IMMT: variants seen among roughly 807,000 people sequenced by gnomAD.
IMMT encodes the protein inner membrane mitochondrial protein.
Under a neutral mutation model 92.7 loss-of-function variants are expected in IMMT, and 40 were observed. The observed-to-expected ratio is 0.43, with a 90% CI of 0.34 to 0.56. The LOEUF (loss-of-function observed/expected upper bound fraction) is 0.56, where lower values mean the gene tolerates loss of function less well. Among genes scored for constraint, IMMT ranks in the 20% least tolerant of loss-of-function variants. The pLI is 0.03. For synonymous variants in IMMT, 322 were observed against 336.1 expected, an observed-to-expected ratio of 0.96 and a Z score of 0.46; for missense variants, 831 against 912.1, an observed-to-expected ratio of 0.91 and a Z score of 1.14.
At chr2:86,190,687 T>TA (rs1673059374) in intron 1 of IMMT, among the ~76,000 whole-genome samples, 1 of 152,132 alleles carries the variant, frequency 6.6e-6, no homozygotes. Flanking sequence ...AGCCCAAACA[T>TA]AAAGAATAAG....
chr2:86,148,548 C>T (rs1675217814), intron 12 of IMMT, among the ~76,000 whole-genome samples: 1 of 152,124 alleles, frequency 6.6e-6, no homozygotes, highest in Non-Finnish European at 1.5e-5. Flanking sequence ...GGAGGCAGAG[C>T]TTGCCGTGAG....
At position 86,144,271 on chromosome 2, in the gene IMMT, C is replaced by G; in HGVS notation, c.2274G>C (p.Glu758Asp). 1 of 1,613,480 alleles carries G rather than the reference C, an allele frequency of 6.2e-7. No homozygotes were observed. The highest frequency in any genetic ancestry group is 8.5e-7 in the Non-Finnish European group (1 of 1,179,470). ...VGIGTTQVQP[E>D] is the part of the protein sequence containing the mutation. Reference sequence around the variant, plus strand: ...TTTATGAAAATCTTCCTAAACCTCACTCTGGCTGCACCTGAGTGGTTCCTA... The same window carrying G: ...TTTATGAAAATCTTCCTAAACCTCAGTCTGGCTGCACCTGAGTGGTTCCTA... Residue 758 changes from glutamate to aspartate, a missense_variant, in exon 15 of 15, where the codon GAG becomes GAC. Glu to Asp is a conservative substitution (Grantham distance 45, BLOSUM62 2). Transcript: ENST00000410111.
chr2:86,166,582 C>A lies in IMMT; in HGVS notation c.718G>T (p.Ala240Ser). 1 of 1,613,280 alleles carries A rather than the reference C, an allele frequency of 6.2e-7. No individual in the cohort carries two copies. Among genetic ancestry groups the A allele is most frequent in the Non-Finnish European group, 8.5e-7 (1 of 1,179,724 alleles). The change falls in exon 7 of 15, where the codon GCA (alanine) becomes TCA (serine). Residue 240 changes from alanine to serine, a missense_variant. Transcript: ENST00000410111. ...QTASVTLQAIAAQNAAVQAVN... is the reference protein window; with the variant it reads ...QTASVTLQAISAQNAAVQAVN... The stretch of plus-strand genomic sequence containing the variant: ...GCCTGGACCGCAGCATTCTGAGCTG[C>A]AATAGCCTGCAGAGTGACACTTGCA...
chr2:86,168,545 C>A (rs1168391894), intron 6 of IMMT, among the ~76,000 whole-genome samples: 3 of 152,148 alleles, frequency 2.0e-5, no homozygotes, highest in Admixed American at 2.0e-4. Flanking sequence ...ATCGCTTGAA[C>A]CTGGGAGTTG....
chr2:86,144,449 T>G lies in IMMT; in HGVS notation c.2096A>C (p.Glu699Ala), dbSNP rs762962592. The G allele has an allele frequency of 3.8e-5, 62 of 1,613,880 alleles. No homozygotes were observed. Among genetic ancestry groups the G allele is most frequent in the Non-Finnish European group, 5.0e-5 (59 of 1,179,898 alleles). Residue 699 changes from glutamate to alanine, a missense_variant, in exon 15 of 15, where the codon GAG (glutamate) becomes GCG (alanine). Coordinates refer to ENST00000410111, the MANE Select transcript of IMMT (RefSeq NM_006839.3). Reference protein sequence around the residue: ...KLLSYASYCIEHGDLELAAKF... With the variant: ...KLLSYASYCIAHGDLELAAKF... ...TGCTGCTAGCTCCAGATCACCATGC[T>G]CAATGCAATAGGAAGCATATGACAG...
intron 10 of IMMT, 152 bp downstream of exon 10, chr2:86,158,440 G>A (rs1676015026): frequency 1.8e-6 from 1 of 550,760 alleles, no homozygotes; most frequent in Non-Finnish European, 3.2e-6. Flanking sequence ...TGTGTCATCT[G>A]TAATGACTGT....
At position 86,179,438 on chromosome 2, in the gene IMMT, T is replaced by C; in HGVS notation, c.304A>G (p.Lys102Glu). The stretch of plus-strand genomic sequence containing the variant: ...ATATTGTTTAAAACTCTTACCGATT[T>C]CTTTGGCAATGGAACATTATAAGCT... ...PAAYNVPLPK[K>E]SIQSGPLKIS... The change falls in exon 3 of 15, where the codon AAA becomes GAA. Residue 102 changes from lysine (K) to glutamate (E), a missense_variant. Physicochemically the swap from Lys to Glu is moderately conservative, Grantham distance 56 (BLOSUM62 1). Coordinates refer to ENST00000410111, the MANE Select transcript of IMMT (RefSeq NM_006839.3). 1 of 1,581,712 alleles carries C rather than the reference T, an allele frequency of 6.3e-7. No homozygotes were observed. The highest frequency in any genetic ancestry group is 8.6e-7 in the Non-Finnish European group (1 of 1,169,110).
intron 10 of IMMT, among the ~76,000 whole-genome samples, chr2:86,155,493 G>T (rs1261403583): frequency 3.9e-5 from 6 of 152,118 alleles, no homozygotes; most frequent in Non-Finnish European, 7.3e-5. Context: ...AATTTGCCTT[G>T]TAAGGCTGTT....
chr2:86,153,352 A>G (rs1388724551), intron 11 of IMMT, among the ~76,000 whole-genome samples: 1 of 142,156 alleles, frequency 7.0e-6, no homozygotes, highest in East Asian at 2.0e-4. Context: ...CTTCACATCT[A>G]TAGGATTCCA....
Position 86,144,615 on chromosome 2 carries a change from T to G in IMMT, c.1930A>C (p.Arg644=), listed in dbSNP as rs754647726. The G allele has an allele frequency of 2.0e-4, 328 of 1,613,898 alleles. No individual in the cohort carries two copies. The highest frequency in any genetic ancestry group is 2.6e-4 in the Non-Finnish European group (304 of 1,179,906). Residue 644 remains arginine, a synonymous_variant, in exon 15 of 15, where the codon AGG becomes CGG. Coordinates refer to ENST00000410111, the MANE Select transcript of IMMT (RefSeq NM_006839.3). ...RFYAVQKLAR[R]VAMIDETRNS... ...CTGGTTTCATCAATCATTGCTACCC[T>G]TCGGGCCAGTTTTTGAACAGCATAG...
intron 1 of IMMT, among the ~76,000 whole-genome samples, chr2:86,187,235 C>T (rs1479298916): frequency 2.6e-5 from 4 of 152,180 alleles, no homozygotes; most frequent in Non-Finnish European, 5.9e-5. Flanking sequence ...TGGCCCCTGG[C>T]AACCACCATG....
intron 1 of IMMT, among the ~76,000 whole-genome samples, chr2:86,187,785 G>T (rs1672869904): frequency 6.6e-6 from 1 of 151,892 alleles, no homozygotes. Context: ...GGTGGCGCAT[G>T]CCTGTAATCC....
At chr2:86,147,354 G>A (rs1675098931) in intron 13 of IMMT, among the ~76,000 whole-genome samples, 1 of 151,960 alleles carries the variant, frequency 6.6e-6, no homozygotes, top group Non-Finnish European at 1.5e-5. Context: ...TAATTTACTG[G>A]GATTTCAAAA....
At chr2:86,164,052 A>ATT (rs540613367) in intron 7 of IMMT, among the ~76,000 whole-genome samples, 1,343 of 62,994 alleles carry the variant, frequency 0.021, 139 homozygotes, top group African/African-American at 0.07. Context: ...CACTTTAGTC[A>ATT]TTTTTTTTTT....
intron 1 of IMMT, among the ~76,000 whole-genome samples, chr2:86,194,267 G>T (rs530860436): frequency 6.6e-6 from 1 of 152,226 alleles, no homozygotes; most frequent in Admixed American, 6.5e-5. Context: ...GGAGAACACA[G>T]ATCATCCGTG....
chr2:86,192,214 C>G (rs1454587097), intron 1 of IMMT, among the ~76,000 whole-genome samples: 3 of 152,208 alleles, frequency 2.0e-5, no homozygotes, highest in Admixed American at 6.5e-5. Context: ...GCCTGGGCAA[C>G]AGAATGAGAC....
chr2:86,170,790 C>A lies in IMMT; in HGVS notation c.614G>T (p.Arg205Leu). Residue 205 changes from arginine (R) to leucine (L), a missense_variant, in exon 6 of 15, where the codon CGC (arginine) becomes CTC (leucine). Coordinates refer to ENST00000410111, the MANE Select transcript of IMMT (RefSeq NM_006839.3). ...RERPPEEVAA[R>L]LAQQEKQEQV... ...TTCTTGTTTTTCCTGTTGTGCAAGG[C>A]GAGCTGCAACTTCTTCAGGTGGTCG... 6.3e-7 allele frequency: 1 copy of A among 1,590,396 alleles called. No homozygotes were observed. Among genetic ancestry groups the A allele is most frequent in the Non-Finnish European group, 8.6e-7 (1 of 1,166,848 alleles).
chr2:86,193,857 CA>C (rs1458426845), intron 1 of IMMT, among the ~76,000 whole-genome samples: 1 of 152,118 alleles, frequency 6.6e-6, no homozygotes, highest in African/African-American at 2.4e-5. Context: ...TCTTAATTCC[CA>C]AATGGGATCC....
chr2:86,173,524 G>A (rs1372889799), intron 4 of IMMT, 126 bp downstream of exon 4: 5 of 627,156 alleles, frequency 8.0e-6, no homozygotes, highest in Non-Finnish European at 2.8e-6. Context: ...AGGCTGCGGT[G>A]AGCCGAGATT....
Sources: gnomAD v4.1 joint callset for allele counts (sites outside exome capture counted in the v4.1 genomes callset) on GRCh38, gnomAD v4.1.1 for gene constraint, MANE v1.5 for transcripts, NCBI Gene and HGNC (gene_info 2026-07-23, HGNC 2026-07-21) for gene names.